The following CYP3A4 variants were observed in gnomAD, a reference collection of about 807,000 sequenced individuals.
CYP3A4 encodes the protein cytochrome P450 family 3 subfamily A member 4.
Under a neutral mutation model 54.9 loss-of-function variants are expected in CYP3A4, and 41 were observed. The observed-to-expected ratio is 0.75, with a 90% CI of 0.58 to 0.97. The LOEUF (loss-of-function observed/expected upper bound fraction) is 0.97. CYP3A4 is among the 50% of genes least tolerant of loss of function. The pLI is 0.00. For missense variants in CYP3A4, 510 were observed against 597.3 expected, an observed-to-expected ratio of 0.85 and a Z score of 1.52; for synonymous variants, 179 against 205.2, an observed-to-expected ratio of 0.87 and a Z score of 1.09.
chr7:99,780,050 A>C lies in CYP3A4; in HGVS notation c.107T>G (p.Leu36Arg), dbSNP rs764141268. ...CAGAGGTGTGGGCCCTGGAATTCCAAGCTTCTTAAAAAGTCCATGTGAATG... is the reference window on the plus strand; with the variant it reads ...CAGAGGTGTGGGCCCTGGAATTCCACGCTTCTTAAAAAGTCCATGTGAATG... ...GTHSHGLFKK[L>R]GIPGPTPLPF... The change falls in exon 2 of 13, where the codon CTT becomes CGT. Residue 36 changes from leucine to arginine, a missense_variant. Leu to Arg is a moderately radical substitution (Grantham distance 102). Around this residue, in one of 2 missense-constraint regions of CYP3A4, gnomAD observed 272 missense variants for 274.9 expected, o/e 0.99. Coordinates refer to ENST00000651514, the MANE Select transcript of CYP3A4 (RefSeq NM_017460.6). The C allele has an allele frequency of 6.2e-7, 1 of 1,613,728 alleles. No individual in the cohort carries two copies. The highest frequency in any genetic ancestry group is 1.1e-5 in the South Asian group (1 of 91,066).
At position 99,770,923 on chromosome 7, in the gene CYP3A4, G is replaced by A. The variant is rs889541014; in HGVS notation, c.319-688C>T. On this transcript the variant is annotated intron_variant, in intron 4 of 12. Coordinates refer to ENST00000651514, the MANE Select transcript of CYP3A4 (RefSeq NM_017460.6). ...ATTTTTTTTATAATGAGTACTTCCAGCATTCATTTATGATAAAAACTCAGC... is the reference window on the plus strand; with the variant it reads ...ATTTTTTTTATAATGAGTACTTCCAACATTCATTTATGATAAAAACTCAGC... Among the ~76,000 whole-genome samples the A allele has an allele frequency of 3.1e-4, 47 of 151,850 alleles. 1 individual carries two copies. Among genetic ancestry groups the A allele is most frequent in the Non-Finnish European group, 7.4e-5 (5 of 68,002 alleles).
rs759214314 is a variant in CYP3A4 at position 99,760,880 on chromosome 7, A to G, written c.1355T>C (p.Met452Thr). 4.3e-6 allele frequency: 7 copies of G among 1,614,054 alleles called. No individual in the cohort carries two copies. Among genetic ancestry groups the G allele is most frequent in the Non-Finnish European group, 5.1e-6 (6 of 1,179,998 alleles). Reference protein sequence around the residue: ...CIGMRFALMNMKLALIRVLQN... With the variant: ...CIGMRFALMNTKLALIRVLQN... ...AAGGACTCTGATTAGAGCAAGTTTCATGTTCATGAGAGCAAACCTCATGCC... is the reference window on the plus strand; with the variant it reads ...AAGGACTCTGATTAGAGCAAGTTTCGTGTTCATGAGAGCAAACCTCATGCC... The change falls in exon 12 of 13, where the codon ATG becomes ACG. Residue 452 changes from methionine (M) to threonine (T), a missense_variant. Met to Thr is a moderately conservative substitution (Grantham distance 81). Transcript: ENST00000651514.
intron 2 of CYP3A4, among the ~76,000 whole-genome samples, chr7:99,778,820 G>T (rs1815841198): frequency 6.6e-6 from 1 of 152,232 alleles, no homozygotes; most frequent in African/African-American, 2.4e-5. Flanking sequence ...AAGGTCCCAG[G>T]AATGTGCATC....
Position 99,768,425 on chromosome 7 carries a change from T to C in CYP3A4, c.599A>G (p.Gln200Arg). Residue 200 changes from glutamine (Q) to arginine (R), a missense_variant, in exon 7 of 13, where the codon CAA (glutamine) becomes CGA (arginine). By Grantham distance (43) the Gln-to-Arg change is conservative (BLOSUM62 1). This residue lies in a region of CYP3A4 where 272 missense variants were observed against 274.9 expected (regional missense o/e 0.99). Transcript: ENST00000651514. ...CTTGGTGTTTTCCACAAAGGGGTCTTGTGGATTGTTGAGAGAGTCGATGTT... is the reference window on the plus strand; with the variant it reads ...CTTGGTGTTTTCCACAAAGGGGTCTCGTGGATTGTTGAGAGAGTCGATGTT... The part of the protein sequence containing the change: ...GVNIDSLNNP[Q>R]DPFVENTKKL... 6.2e-7 allele frequency: 1 copy of C among 1,614,138 alleles called. No homozygotes were observed. The highest frequency in any genetic ancestry group is 8.5e-7 in the Non-Finnish European group (1 of 1,179,966).
intron 9 of CYP3A4, 118 bp from the exon 10 acceptor site, chr7:99,764,133 A>G: frequency 6.9e-7 from 1 of 1,440,896 alleles, no homozygotes; most frequent in South Asian, 1.2e-5. Flanking sequence ...TAGAAAAGCA[A>G]TTCAGAGGTA....
At chr7:99,770,300 A>G (rs1226467748) in intron 4 of CYP3A4, 65 bp from the exon 5 acceptor site, 32 of 1,440,338 alleles carry the variant, frequency 2.2e-5, no homozygotes, top group Non-Finnish European at 3.1e-5. Context: ...GTTGTAGAAA[A>G]TGTGTTAAAC....
chr7:99,766,261 G>T, intron 9 of CYP3A4, 116 bp downstream of exon 9: 1 of 1,234,772 alleles, frequency 8.1e-7, no homozygotes, highest in Non-Finnish European at 1.2e-6. Context: ...TCAAACATGT[G>T]TCGTTCTGCT....
intron 1 of CYP3A4, 94 bp downstream of exon 1, chr7:99,783,917 T>C (rs1815991896): frequency 7.0e-7 from 1 of 1,418,772 alleles, no homozygotes; most frequent in Non-Finnish European, 9.9e-7. Flanking sequence ...CCTGAACATC[T>C]TTTTTGATCT....
chr7:99,761,965 C>T, intron 11 of CYP3A4, 76 bp downstream of exon 11: 10 of 1,263,792 alleles, frequency 7.9e-6, no homozygotes, highest in Non-Finnish European at 1.2e-5. Context: ...ACATGACTGT[C>T]CTGTAGATTA....
intron 1 of CYP3A4, among the ~76,000 whole-genome samples, chr7:99,782,834 T>C (rs1053878977): frequency 6.6e-6 from 1 of 152,180 alleles, no homozygotes; most frequent in Non-Finnish European, 1.5e-5. Flanking sequence ...GGAAGGTATA[T>C]TTTAAAAGAT....
At chr7:99,773,777 AT>A in intron 3 of CYP3A4, among the ~76,000 whole-genome samples, 1 of 152,336 alleles carries the variant, frequency 6.6e-6, no homozygotes, top group Middle Eastern at 3.4e-3. Context: ...TAACATCACA[AT>A]TAACAGAACT....
chr7:99,760,865 A>T lies in CYP3A4; in HGVS notation c.1370T>A (p.Ile457Asn). 6 of 1,614,148 alleles carry T rather than the reference A, an allele frequency of 3.7e-6. No individual in the cohort carries two copies. Among genetic ancestry groups the T allele is most frequent in the Non-Finnish European group, 4.2e-6 (5 of 1,179,980 alleles). The change falls in exon 12 of 13, where the codon ATC becomes AAC. Residue 457 changes from isoleucine to asparagine, a missense_variant. Physicochemically the swap from Ile to Asn is moderately radical, Grantham distance 149 (BLOSUM62 -3). Transcript: ENST00000651514. ...FALMNMKLALIRVLQNFSFKP... is the reference protein window; with the variant it reads ...FALMNMKLALNRVLQNFSFKP... ...GAAGGAGAAGTTCTGAAGGACTCTG[A>T]TTAGAGCAAGTTTCATGTTCATGAG...
intron 1 of CYP3A4, among the ~76,000 whole-genome samples, chr7:99,780,497 C>T (rs527748142): frequency 7.9e-5 from 12 of 152,178 alleles, no homozygotes; most frequent in East Asian, 1.9e-4. Context: ...TTTTGTCTTC[C>T]GCAGTGATGA....
intron 3 of CYP3A4, among the ~76,000 whole-genome samples, chr7:99,773,727 G>A (rs1584546887): frequency 1.3e-5 from 2 of 152,164 alleles, no homozygotes; most frequent in South Asian, 2.1e-4. Flanking sequence ...AGCATTAAAT[G>A]CCCACTAGAG....
chr7:99,767,306 G>A (rs1270322390), intron 7 of CYP3A4, 48 bp from the exon 8 acceptor site: 1 of 1,523,606 alleles, frequency 6.6e-7, no homozygotes, highest in Non-Finnish European at 8.8e-7. Flanking sequence ...CATTGTGAAT[G>A]TGCAAAATTT....
Position 99,760,930 on chromosome 7 carries a change from A to G in CYP3A4, c.1305T>C (p.Phe435=), listed in dbSNP as rs781624633. ...DNIDPYIYTP[F]GSGPRNCIGM... is the part of the protein sequence containing the mutation. Reference sequence around the variant, plus strand: ...CAATGCAGTTTCTGGGTCCACTTCCAAAGGGTGTGTATATGTAAGGATCTA... The same window carrying G: ...CAATGCAGTTTCTGGGTCCACTTCCGAAGGGTGTGTATATGTAAGGATCTA... The change falls in exon 12 of 13, where the codon TTT becomes TTC. Residue 435 remains phenylalanine (F), a synonymous_variant. Coordinates refer to ENST00000651514, the MANE Select transcript of CYP3A4 (RefSeq NM_017460.6). 2 of 1,614,112 alleles carry G rather than the reference A, an allele frequency of 1.2e-6. No individual in the cohort carries two copies. Among genetic ancestry groups the G allele is most frequent in the East Asian group, 4.5e-5 (2 of 44,862 alleles).
intron 8 of CYP3A4, 144 bp from the exon 9 acceptor site, chr7:99,766,587 GA>G: frequency 1.0e-6 from 1 of 968,398 alleles, no homozygotes. Flanking sequence ...AATCACCAGT[GA>G]AAAACATACC....
At chr7:99,764,525 A>T (rs1815427687) in intron 9 of CYP3A4, among the ~76,000 whole-genome samples, 1 of 152,206 alleles carries the variant, frequency 6.6e-6, no homozygotes, top group Non-Finnish European at 1.5e-5. Flanking sequence ...AACTTAAGGG[A>T]CCAATATTGG....
Position 99,760,812 on chromosome 7 carries a change from G to A in CYP3A4, c.1416+7C>T. The A allele has an allele frequency of 1.9e-6, 3 of 1,613,390 alleles. No homozygotes were observed. Among genetic ancestry groups the A allele is most frequent in the Non-Finnish European group, 2.5e-6 (3 of 1,179,542 alleles). On this transcript the variant is annotated splice_region_variant and intron_variant, in intron 12 of 12. Transcript: ENST00000651514. Reference sequence around the variant, plus strand: ...TACAACATTATTTTTATAGAAAATTGACTAACCTGTGTTTCTTTACAAGGT... The same window carrying A: ...TACAACATTATTTTTATAGAAAATTAACTAACCTGTGTTTCTTTACAAGGT...
Sources: gnomAD v4.1 joint callset for allele counts (sites outside exome capture counted in the v4.1 genomes callset) on GRCh38, gnomAD v4.1.1 for gene constraint, gnomAD v4.1.1 regional missense constraint, MANE v1.5 for transcripts, NCBI Gene and HGNC (gene_info 2026-07-23, HGNC 2026-07-21) for gene names.